The following GRIA4 variants were observed in gnomAD, a reference collection of about 807,000 sequenced individuals.
GRIA4 encodes the protein glutamate receptor 4.
GRIA4 carries 34 observed loss-of-function variants against 104.0 expected under a neutral mutation model. That is an observed-to-expected ratio of 0.33 (90% CI 0.25 to 0.44). GRIA4 has a LOEUF of 0.44. Ranked by LOEUF, GRIA4 falls within the 20% of genes least tolerant of loss-of-function variation. The probability of loss-of-function intolerance (pLI) is 1.00; values close to 1 mark genes in which losing one functional copy is unlikely to be tolerated. For synonymous variants in GRIA4, 386 were observed against 381.9 expected, an observed-to-expected ratio of 1.01 and a Z score of -0.13; for missense variants, 750 against 1,096.5, an observed-to-expected ratio of 0.68 and a Z score of 4.46.
At chr11:105,896,212 T>C (rs1946646628) in intron 6 of GRIA4, among the ~76,000 whole-genome samples, 1 of 152,044 alleles carries the variant, frequency 6.6e-6, no homozygotes, top group South Asian at 2.1e-4. Flanking sequence ...GTTTGCTGGC[T>C]GTTTGTATGT....
intron 3 of GRIA4, among the ~76,000 whole-genome samples, chr11:105,682,611 C>G (rs758269910): frequency 6.6e-6 from 1 of 152,170 alleles, no homozygotes; most frequent in Non-Finnish European, 1.5e-5. Flanking sequence ...CTCCTACTTA[C>G]AATTCCAGTT....
At chr11:105,869,886 C>G (rs774313982) in intron 5 of GRIA4, among the ~76,000 whole-genome samples, 1 of 151,980 alleles carries the variant, frequency 6.6e-6, no homozygotes, top group African/African-American at 2.4e-5. Flanking sequence ...TCATATACAA[C>G]TTGTGACAAG....
chr11:105,721,566 A>T (rs1056428502), intron 3 of GRIA4, among the ~76,000 whole-genome samples: 1 of 152,230 alleles, frequency 6.6e-6, no homozygotes, highest in Non-Finnish European at 1.5e-5. Context: ...TACATATATT[A>T]ATAGTGCAAA....
chr11:105,931,260 C>G (rs1305505092), intron 13 of GRIA4, among the ~76,000 whole-genome samples: 1 of 126,998 alleles, frequency 7.9e-6, no homozygotes, highest in African/African-American at 3.4e-5. Context: ...CTGTCATTGC[C>G]TAAATACACA....
intron 14 of GRIA4, among the ~76,000 whole-genome samples, chr11:105,969,713 C>G (rs1317237015): frequency 6.6e-6 from 1 of 152,088 alleles, no homozygotes; most frequent in Non-Finnish European, 1.5e-5. Context: ...TAGTTTAGCA[C>G]CCATGTGTTA....
At chr11:105,929,627 C>T (rs906013730) in intron 13 of GRIA4, among the ~76,000 whole-genome samples, 2 of 152,070 alleles carry the variant, frequency 1.3e-5, no homozygotes, top group African/African-American at 4.8e-5. Flanking sequence ...ACTGTGAATG[C>T]ATAAATGATG....
intron 3 of GRIA4, among the ~76,000 whole-genome samples, chr11:105,674,903 C>A (rs1445277410): frequency 6.6e-6 from 1 of 151,920 alleles, no homozygotes; most frequent in African/African-American, 2.4e-5. Flanking sequence ...AGCCCATCAT[C>A]TTACAGATGA....
At chr11:105,907,324 C>T (rs1279776082) in intron 9 of GRIA4, among the ~76,000 whole-genome samples, 3 of 152,130 alleles carry the variant, frequency 2.0e-5, no homozygotes, top group Non-Finnish European at 4.4e-5. Context: ...CATCTATCTT[C>T]TTTTTTCCAT....
intron 4 of GRIA4, among the ~76,000 whole-genome samples, chr11:105,840,831 A>C (rs149247570): frequency 6.6e-6 from 1 of 152,304 alleles, no homozygotes; most frequent in Non-Finnish European, 1.5e-5. Context: ...TTTAGTGTTT[A>C]TATGGTTTCA....
chr11:105,872,136 T>A (rs571496482), intron 5 of GRIA4, among the ~76,000 whole-genome samples: 1 of 152,184 alleles, frequency 6.6e-6, no homozygotes, highest in East Asian at 1.9e-4. Context: ...AAAATTCCTA[T>A]GGCAAAGAAA....
In GRIA4 at chr11:105,926,877, G is replaced by A; in HGVS notation, c.1984G>A (p.Ala662Thr). 2 of 1,612,220 alleles carry A rather than the reference G, an allele frequency of 1.2e-6. No homozygotes were observed. The highest frequency in any genetic ancestry group is 1.7e-6 in the Non-Finnish European group (2 of 1,178,702). Residue 662 changes from alanine (A) to threonine (T), a missense_variant, in exon 13 of 17, where the codon GCC (alanine) becomes ACC (threonine). Transcript: ENST00000282499. ...VSPIESAEDL[A>T]KQTEIAYGTL... ...TCCCATAGAAAGTGCAGAAGACCTGGCCAAACAAACAGAAATTGCCTATGG... is the reference window on the plus strand; with the variant it reads ...TCCCATAGAAAGTGCAGAAGACCTGACCAAACAAACAGAAATTGCCTATGG...
At chr11:105,797,255 A>T (rs922978721) in intron 4 of GRIA4, among the ~76,000 whole-genome samples, 5 of 152,188 alleles carry the variant, frequency 3.3e-5, no homozygotes, top group Admixed American at 6.5e-5. Flanking sequence ...GAAAAAAAGG[A>T]AATAGTATAG....
chr11:105,626,196 A>T (rs1319528704), intron 3 of GRIA4, among the ~76,000 whole-genome samples: 2 of 152,102 alleles, frequency 1.3e-5, no homozygotes, highest in Non-Finnish European at 2.9e-5. Context: ...AAGTAAAACA[A>T]ACATAAGGGC....
At chr11:105,767,523 C>T (rs1365274761) in intron 4 of GRIA4, among the ~76,000 whole-genome samples, 1 of 151,920 alleles carries the variant, frequency 6.6e-6, no homozygotes, top group Non-Finnish European at 1.5e-5. Context: ...AAATAAGAAT[C>T]ATATGCCACA....
At chr11:105,890,532 A>G (rs1298693182) in intron 6 of GRIA4, among the ~76,000 whole-genome samples, 1 of 152,176 alleles carries the variant, frequency 6.6e-6, no homozygotes. Flanking sequence ...CAACCATTCA[A>G]TCTCCTTCAT....
intron 13 of GRIA4, among the ~76,000 whole-genome samples, chr11:105,930,782 T>A (rs1947850587): frequency 6.6e-6 from 1 of 152,064 alleles, no homozygotes; most frequent in Non-Finnish European, 1.5e-5. Flanking sequence ...GGTTTTCATA[T>A]TCTTAATAAA....
chr11:105,625,718 A>G (rs898870798), intron 3 of GRIA4, among the ~76,000 whole-genome samples: 173 of 152,216 alleles, frequency 1.1e-3, no homozygotes, highest in African/African-American at 3.9e-3. Context: ...TTGTACGTAT[A>G]AAGAGTTGTC....
At chr11:105,665,220 T>C (rs1240113264) in intron 3 of GRIA4, among the ~76,000 whole-genome samples, 1 of 152,024 alleles carries the variant, frequency 6.6e-6, no homozygotes, top group Non-Finnish European at 1.5e-5. Flanking sequence ...AATTATTATA[T>C]AAAGCAAGTA....
At chr11:105,684,706 A>G (rs1211869724) in intron 3 of GRIA4, among the ~76,000 whole-genome samples, 2 of 150,700 alleles carry the variant, frequency 1.3e-5, no homozygotes, top group Non-Finnish European at 3.0e-5. Flanking sequence ...AAAGAATTTG[A>G]TTTAAATAAA....
Sources: allele counts gnomAD v4.1 joint callset (sites outside exome capture counted in the v4.1 genomes callset), GRCh38; gene constraint gnomAD v4.1.1; transcripts MANE v1.5; gene names NCBI Gene and HGNC (gene_info 2026-07-23, HGNC 2026-07-21).